DLG2: variants seen among roughly 807,000 people sequenced by gnomAD.
DLG2 encodes discs large MAGUK scaffold protein 2, also known as disks large homolog 2.
In DLG2, 45 loss-of-function variants were observed where a neutral mutation model predicts 132.5. The ratio of observed to expected loss-of-function variants is 0.34; its 90% CI spans 0.27 to 0.44. The LOEUF (loss-of-function observed/expected upper bound fraction) is 0.44, where lower values mean the gene tolerates loss of function less well. Ranked by LOEUF, DLG2 falls within the 20% of genes least tolerant of loss-of-function variation. DLG2 has a pLI of 1.00. For missense variants in DLG2, 1,045 were observed against 1,196.9 expected (o/e 0.87, Z 1.87); for synonymous variants, 424 against 419.6 (o/e 1.01, Z -0.13).
chr11:84,020,635 G>C (rs1470446101), intron 11 of DLG2, among the ~76,000 whole-genome samples: 1 of 152,176 alleles, frequency 6.6e-6, no homozygotes, highest in African/African-American at 2.4e-5. Flanking sequence ...GAAGTCATAA[G>C]AGTTATTTCT....
At position 84,961,686 on chromosome 11, in the gene DLG2, G is replaced by C. The variant is rs976731351; in HGVS notation, c.357+149975C>G. Among the ~76,000 whole-genome samples, 7 of 152,018 alleles carry C rather than the reference G, an allele frequency of 4.6e-5. No individual in the cohort carries two copies. The East Asian group carries it at 1.3e-3, about 29-fold the overall frequency. ...GCCAAAAATACTGTGAAATGATAAG[G>C]ACATAAATGTTAATAAAACAAAACT... On this transcript the variant is annotated intron_variant, in intron 6 of 27. Transcript: ENST00000376104.
chr11:84,642,571 C>T (rs987168125), intron 6 of DLG2, among the ~76,000 whole-genome samples: 1 of 152,080 alleles, frequency 6.6e-6, no homozygotes, highest in Non-Finnish European at 1.5e-5. Context: ...GCCTGCCTTC[C>T]TGTTGCTTAC....
chr11:85,119,118 C>T (rs1397410840), intron 5 of DLG2, among the ~76,000 whole-genome samples: 5 of 151,724 alleles, frequency 3.3e-5, no homozygotes, highest in Non-Finnish European at 7.4e-5. Context: ...TACATGAAAG[C>T]GCTTAGCAAA....
chr11:83,952,495 A>T (rs1367924333), intron 14 of DLG2, among the ~76,000 whole-genome samples: 1 of 152,262 alleles, frequency 6.6e-6, no homozygotes, highest in Non-Finnish European at 1.5e-5. Context: ...TTAAATACAT[A>T]TATAATCAAG....
intron 4 of DLG2, among the ~76,000 whole-genome samples, chr11:85,269,845 A>G (rs1240994231): frequency 1.3e-5 from 2 of 152,220 alleles, no homozygotes; most frequent in Non-Finnish European, 2.9e-5. Context: ...ATGTTGAGAA[A>G]TTATTTAAAT....
intron 17 of DLG2, among the ~76,000 whole-genome samples, chr11:83,829,908 T>G (rs2053976951): frequency 6.6e-6 from 1 of 152,074 alleles, no homozygotes; most frequent in Non-Finnish European, 1.5e-5. Flanking sequence ...TGCCCCACCA[T>G]ACGACAGGCC....
At chr11:85,587,072 A>G (rs1263716342) in intron 3 of DLG2, among the ~76,000 whole-genome samples, 1 of 152,022 alleles carries the variant, frequency 6.6e-6, no homozygotes, top group East Asian at 1.9e-4. Flanking sequence ...ACTTGATATT[A>G]TTTTGATTTT....
At chr11:84,756,272 G>A (rs1468286016) in intron 6 of DLG2, among the ~76,000 whole-genome samples, 1 of 152,200 alleles carries the variant, frequency 6.6e-6, no homozygotes, top group Admixed American at 6.5e-5. Context: ...TGGTTGTAAA[G>A]TCTCTTGCAA....
chr11:83,462,423 A>AGT (rs2090204570), intron 26 of DLG2, among the ~76,000 whole-genome samples: 3 of 152,194 alleles, frequency 2.0e-5, no homozygotes, highest in Non-Finnish European at 4.4e-5. Flanking sequence ...AAAGTGCTTA[A>AGT]GTGTGTCTTG....
At chr11:84,759,732 C>T (rs1473937258) in intron 6 of DLG2, among the ~76,000 whole-genome samples, 1 of 152,058 alleles carries the variant, frequency 6.6e-6, no homozygotes, top group Non-Finnish European at 1.5e-5. Context: ...ACATTTTCTC[C>T]ATTGCAACAA....
At position 84,974,969 on chromosome 11, in the gene DLG2, A is replaced by T. The variant is rs547406553; in HGVS notation, c.357+136692T>A. ...AAACCTAGTGTGAGAGGTGTGTCAG[A>T]TATTATTCTCAGATTTTATACAAGG... On this transcript the variant is annotated intron_variant, in intron 6 of 27. Coordinates refer to ENST00000376104, the MANE Select transcript of DLG2 (RefSeq NM_001142699.3). Among the ~76,000 whole-genome samples the T allele has an allele frequency of 3.3e-5, 5 of 152,334 alleles. No homozygotes were observed. In the East Asian group the frequency reaches 9.6e-4, roughly 29 times the overall value.
chr11:84,239,146 G>C (rs886117974), intron 8 of DLG2, among the ~76,000 whole-genome samples: 2 of 151,952 alleles, frequency 1.3e-5, no homozygotes, highest in Admixed American at 6.6e-5. Flanking sequence ...TACATGCATG[G>C]ACTATGGCTA....
intron 3 of DLG2, among the ~76,000 whole-genome samples, chr11:85,365,036 T>C (rs764478497): frequency 2.0e-5 from 3 of 151,976 alleles, no homozygotes; most frequent in African/African-American, 7.2e-5. Context: ...CAGACAAAAA[T>C]GTAAGAATAT....
At chr11:84,382,013 G>A (rs2098750527) in intron 7 of DLG2, among the ~76,000 whole-genome samples, 1 of 152,230 alleles carries the variant, frequency 6.6e-6, no homozygotes, top group East Asian at 1.9e-4. Flanking sequence ...ATTCCCAAGA[G>A]GAAAATGGAG....
intron 6 of DLG2, among the ~76,000 whole-genome samples, chr11:84,755,071 T>C (rs979468367): frequency 6.6e-6 from 1 of 152,218 alleles, no homozygotes; most frequent in African/African-American, 2.4e-5. Context: ...ACATATCTTT[T>C]ACTATCATAT....
At chr11:85,209,418 T>C (rs1465940077) in intron 4 of DLG2, among the ~76,000 whole-genome samples, 2 of 150,570 alleles carry the variant, frequency 1.3e-5, no homozygotes, top group Non-Finnish European at 3.0e-5. Flanking sequence ...AGCTCTTCTC[T>C]GAACTTATGG....
rs571760212 is a variant in DLG2, at chr11:84,624,325, C to A, written c.358-89594G>T. On this transcript the variant is annotated intron_variant, in intron 6 of 27. Coordinates refer to ENST00000376104, the MANE Select transcript of DLG2 (RefSeq NM_001142699.3). Reference sequence around the variant, plus strand: ...TTACTCCCACGATCACTAACGCCACCACTATATTTACAAGTAATTCTAAAA... The same window carrying A: ...TTACTCCCACGATCACTAACGCCACAACTATATTTACAAGTAATTCTAAAA... Among the ~76,000 whole-genome samples the A allele has an allele frequency of 4.6e-5, 7 of 152,234 alleles. No individual in the cohort carries two copies. In the East Asian group the frequency reaches 1.3e-3, roughly 29 times the overall value.
chr11:83,561,290 T>C (rs1033129745), intron 19 of DLG2, among the ~76,000 whole-genome samples: 2 of 152,124 alleles, frequency 1.3e-5, no homozygotes, highest in Non-Finnish European at 2.9e-5. Context: ...ACACCATATA[T>C]GAATACCCCT....
intron 7 of DLG2, among the ~76,000 whole-genome samples, chr11:84,497,796 G>T (rs1209481539): frequency 6.6e-6 from 1 of 152,092 alleles, no homozygotes; most frequent in Non-Finnish European, 1.5e-5. Context: ...TACCTCCACT[G>T]AATGTCAGTT....
Sources: allele counts gnomAD v4.1 joint callset (sites outside exome capture counted in the v4.1 genomes callset), GRCh38; gene constraint gnomAD v4.1.1; transcripts MANE v1.5; gene names NCBI Gene and HGNC (gene_info 2026-07-23, HGNC 2026-07-21).